The following OCA2 variants were observed in gnomAD, a reference collection of about 807,000 sequenced individuals.
OCA2 encodes the protein OCA2 melanosomal transmembrane protein, also known as P protein.
A neutral mutation model predicts 100.2 loss-of-function variants in OCA2; 77 were observed. The ratio of observed to expected loss-of-function variants is 0.77; its 90% CI spans 0.64 to 0.93. The LOEUF (loss-of-function observed/expected upper bound fraction) is 0.93. OCA2 is among the 40% of genes least tolerant of loss of function. OCA2 has a pLI of 0.00. For synonymous variants in OCA2, 432 were observed against 439.2 expected, an observed-to-expected ratio of 0.98 and a Z score of 0.21; for missense variants, 1,062 against 1,089.1, an observed-to-expected ratio of 0.98 and a Z score of 0.35.
rs1595767885 is a variant in OCA2 at position 27,986,776 on chromosome 15, A to G, written c.1183-133T>C. Reference sequence around the variant, plus strand: ...ACATCACCAAGCTCCTCACTCTGAGATGCAGAAAGACCGTCACTTCCTGGA... The same window carrying G: ...ACATCACCAAGCTCCTCACTCTGAGGTGCAGAAAGACCGTCACTTCCTGGA... On this transcript the variant is annotated intron_variant, in intron 11 of 23. Transcript: ENST00000354638. The G allele has an allele frequency of 1.3e-5, 10 of 745,252 alleles. No homozygotes were observed. The East Asian group carries it at 2.2e-4, about 16-fold the overall frequency. 46.2% of individuals were successfully genotyped at this position (745,252 alleles called of 1,614,324 possible). A position where few individuals can be genotyped will look rare whatever the true frequency, so the allele number is the denominator to read the frequency against.
intron 18 of OCA2, among the ~76,000 whole-genome samples, chr15:27,949,104 A>G (rs1288591419): frequency 6.6e-6 from 1 of 152,214 alleles, no homozygotes; most frequent in Non-Finnish European, 1.5e-5. Context: ...AAATAAAGAG[A>G]AAGAGTCAAT....
chr15:28,054,106 A>G (rs557935365), intron 2 of OCA2, among the ~76,000 whole-genome samples: 1 of 152,334 alleles, frequency 6.6e-6, no homozygotes, highest in African/African-American at 2.4e-5. Flanking sequence ...ATGTGCATGT[A>G]TATAGGTGCA....
intron 21 of OCA2, among the ~76,000 whole-genome samples, chr15:27,852,328 A>G (rs970868613): frequency 3.9e-5 from 6 of 152,150 alleles, no homozygotes; most frequent in Non-Finnish European, 7.4e-5. Flanking sequence ...TCCTTTCCCC[A>G]TTGCTTGTTT....
intron 18 of OCA2, among the ~76,000 whole-genome samples, chr15:27,936,369 G>A (rs1395776930): frequency 1.3e-5 from 2 of 152,170 alleles, no homozygotes; most frequent in African/African-American, 4.8e-5. Context: ...CAGTTGCTAT[G>A]GCAGCAGAAG....
chr15:27,767,834 C>G (rs1008685502), intron 23 of OCA2, among the ~76,000 whole-genome samples: 1 of 152,214 alleles, frequency 6.6e-6, no homozygotes, highest in Non-Finnish European at 1.5e-5. Flanking sequence ...CCCTTCCACA[C>G]TGTGGAAGCT....
the OCA2 span, among the ~76,000 whole-genome samples, chr15:27,739,440 C>CT: frequency 5.8e-3 from 584 of 99,968 alleles, 13 homozygotes; most frequent in South Asian, 0.013. Context: ...TAATTTCTTT[C>CT]TTTTTTTTTT....
At chr15:27,989,738 G>GC in intron 10 of OCA2, 72 bp from the exon 11 acceptor site, 1 of 1,362,516 alleles carries the variant, frequency 7.3e-7, no homozygotes, top group Non-Finnish European at 1.0e-6. Context: ...ATGAAGCGCT[G>GC]CCCCCTGCTG....
chr15:27,827,435 C>A (rs556502433), intron 23 of OCA2, among the ~76,000 whole-genome samples: 1 of 152,296 alleles, frequency 6.6e-6, no homozygotes, highest in Admixed American at 6.5e-5. Flanking sequence ...GACAACACCA[C>A]CTTCCACAGA....
intron 21 of OCA2, among the ~76,000 whole-genome samples, chr15:27,853,449 G>A (rs1004117383): frequency 1.4e-5 from 2 of 145,424 alleles, no homozygotes; most frequent in Non-Finnish European, 3.0e-5. Context: ...GGGAGGGATA[G>A]CATTGGGAGA....
intron 23 of OCA2, among the ~76,000 whole-genome samples, chr15:27,756,760 G>A (rs1194142163): frequency 2.0e-5 from 3 of 152,080 alleles, no homozygotes; most frequent in East Asian, 1.9e-4. Context: ...ATCTCAATCC[G>A]GGTGCTGAGA....
chr15:28,054,664 C>T (rs1263544604), intron 2 of OCA2, among the ~76,000 whole-genome samples: 2 of 152,166 alleles, frequency 1.3e-5, no homozygotes, highest in Admixed American at 6.5e-5. Flanking sequence ...ATTATTGTTA[C>T]TTACACATAA....
intron 23 of OCA2, among the ~76,000 whole-genome samples, chr15:27,777,418 A>T (rs911523995): frequency 6.6e-6 from 1 of 152,184 alleles, no homozygotes; most frequent in African/African-American, 2.4e-5. Context: ...ATAATTTTAC[A>T]GTGAGAATGC....
chr15:27,789,148 A>G (rs2032959514), intron 23 of OCA2, among the ~76,000 whole-genome samples: 1 of 130,934 alleles, frequency 7.6e-6, no homozygotes, highest in Admixed American at 9.4e-5. Context: ...AGGCTCATCT[A>G]TATAGCTGTG....
At chr15:27,906,076 G>C (rs138339035) in intron 19 of OCA2, among the ~76,000 whole-genome samples, 14 of 152,276 alleles carry the variant, frequency 9.2e-5, no homozygotes, top group African/African-American at 2.9e-4. Context: ...ACAAAAAATA[G>C]GGTTAGTTAG....
chr15:27,965,205 C>A (rs1247355721), intron 15 of OCA2, among the ~76,000 whole-genome samples: 2 of 152,192 alleles, frequency 1.3e-5, no homozygotes, highest in Non-Finnish European at 2.9e-5. Context: ...AGAGACAGGA[C>A]AATTATCCAC....
At chr15:27,989,835 T>C (rs775117194) in intron 10 of OCA2, among the ~76,000 whole-genome samples, 169 bp from the exon 11 acceptor site, 2 of 152,172 alleles carry the variant, frequency 1.3e-5, no homozygotes, top group Non-Finnish European at 2.9e-5. Context: ...TGAAAAACAG[T>C]CTTGACCCAG....
the OCA2 span, among the ~76,000 whole-genome samples, chr15:27,743,594 T>A: frequency 1.2e-4 from 18 of 152,108 alleles, no homozygotes; most frequent in African/African-American, 3.6e-4. Context: ...TGCCCACGTG[T>A]CAGGCCCAGA....
At chr15:27,888,906 T>C (rs1374304267) in intron 19 of OCA2, among the ~76,000 whole-genome samples, 1 of 152,138 alleles carries the variant, frequency 6.6e-6, no homozygotes, top group African/African-American at 2.4e-5. Flanking sequence ...AGCAAAAATG[T>C]AAACGAGACC....
chr15:27,904,879 C>T (rs181787076), intron 19 of OCA2, among the ~76,000 whole-genome samples: 7 of 152,280 alleles, frequency 4.6e-5, no homozygotes, highest in East Asian at 3.9e-4. Context: ...ATCGGCAACA[C>T]GGGGCTGGGC....
Sources: allele counts gnomAD v4.1 joint callset (sites outside exome capture counted in the v4.1 genomes callset), GRCh38; gene constraint gnomAD v4.1.1; transcripts MANE v1.5; gene names NCBI Gene and HGNC (gene_info 2026-07-23, HGNC 2026-07-21).